ELOVL6: variants seen among roughly 807,000 people sequenced by gnomAD.
ELOVL6 encodes very long chain fatty acid elongase 6.
Under a neutral mutation model 31.7 loss-of-function variants are expected in ELOVL6, and 8 were observed. The ratio of observed to expected loss-of-function variants is 0.25; its 90% CI spans 0.15 to 0.45. The LOEUF (loss-of-function observed/expected upper bound fraction) is 0.45, where lower values mean the gene tolerates loss of function less well. Among genes scored for constraint, ELOVL6 ranks in the 20% least tolerant of loss-of-function variants. The pLI, the probability that ELOVL6 is intolerant of heterozygous loss-of-function variation, is 1.00. For missense variants in ELOVL6, 126 were observed against 326.4 expected, an observed-to-expected ratio of 0.39 and a Z score of 4.73; for synonymous variants, 101 against 117.7, an observed-to-expected ratio of 0.86 and a Z score of 0.92.
chr4:110,069,272 T>C (rs1274149334), intron 2 of ELOVL6, among the ~76,000 whole-genome samples: 1 of 151,910 alleles, frequency 6.6e-6, no homozygotes, highest in African/African-American at 2.4e-5. Flanking sequence ...GATGAAGATA[T>C]CACACACTAT....
At chr4:110,102,680 T>C (rs1006237592) in intron 2 of ELOVL6, among the ~76,000 whole-genome samples, 1 of 151,106 alleles carries the variant, frequency 6.6e-6, no homozygotes, top group South Asian at 2.1e-4. Context: ...AAAGTAAAGA[T>C]GATAGATTAT....
chr4:110,152,397 C>G (rs1022391763), intron 1 of ELOVL6, among the ~76,000 whole-genome samples: 1 of 152,168 alleles, frequency 6.6e-6, no homozygotes, highest in South Asian at 2.1e-4. Flanking sequence ...AATTATAAAA[C>G]CTTTACTTTC....
intron 2 of ELOVL6, among the ~76,000 whole-genome samples, chr4:110,099,676 C>A (rs1364099034): frequency 6.6e-6 from 1 of 152,204 alleles, no homozygotes; most frequent in Admixed American, 6.5e-5. Flanking sequence ...AAGATGGCTT[C>A]TTGGAACTCC....
intron 1 of ELOVL6, among the ~76,000 whole-genome samples, chr4:110,128,104 T>A (rs1560835303): frequency 6.6e-6 from 1 of 151,724 alleles, no homozygotes; most frequent in Non-Finnish European, 1.5e-5. Context: ...TAACCCCATC[T>A]TGTTGGGTCA....
intron 2 of ELOVL6, among the ~76,000 whole-genome samples, chr4:110,064,325 G>C (rs1286630451): frequency 1.3e-5 from 2 of 150,210 alleles, no homozygotes; most frequent in Admixed American, 1.3e-4. Flanking sequence ...CAAGGAGCCT[G>C]TTTCCTGATC....
At position 110,047,126 on chromosome 4, in the gene ELOVL6, G is replaced by C. The variant is rs560186842; in HGVS notation, c.*4212C>G. On this transcript the variant is annotated 3_prime_UTR_variant, in exon 4 of 4. Transcript: ENST00000302274. ...CTACATTTGACTACTGGGACATTCT[G>C]GGTGCTTATAAAATTTTGACATGAT... 2 of 152,156 alleles carry C rather than the reference G, an allele frequency of 1.3e-5. No individual in the cohort carries two copies. The highest frequency in any genetic ancestry group is 2.9e-5 in the Non-Finnish European group (2 of 68,026). The allele number at this position is 152,156 out of a possible 1,614,324, so 9.4% of individuals were successfully genotyped here.
intron 1 of ELOVL6, chr4:110,117,903 A>AAAAT: frequency 7.7e-4 from 5 of 6,502 alleles, no homozygotes; most frequent in East Asian, 6.3e-3. Context: ...AAAAAAAAAA[A>AAAAT]ATATATATAT....
chr4:110,083,223 T>C (rs946912068), intron 2 of ELOVL6, among the ~76,000 whole-genome samples: 1 of 151,622 alleles, frequency 6.6e-6, no homozygotes, highest in African/African-American at 2.4e-5. Context: ...TAATTTCAGG[T>C]AGTAAGTGCC....
intron 2 of ELOVL6, among the ~76,000 whole-genome samples, chr4:110,097,221 C>G (rs988004009): frequency 6.8e-6 from 1 of 146,856 alleles, no homozygotes; most frequent in African/African-American, 2.5e-5. Context: ...CAGAGAATTG[C>G]TTGAATCAGG....
intron 1 of ELOVL6, among the ~76,000 whole-genome samples, chr4:110,115,216 T>G (rs1262320343): frequency 6.6e-6 from 1 of 152,158 alleles, no homozygotes; most frequent in Admixed American, 6.5e-5. Flanking sequence ...AAATACTATT[T>G]CTGGATTAGA....
intron 2 of ELOVL6, among the ~76,000 whole-genome samples, chr4:110,090,619 T>TTTTTTTTTTTC (rs1339267305): frequency 6.7e-6 from 1 of 148,564 alleles, no homozygotes; most frequent in African/African-American, 2.5e-5. Context: ...TTTTTTTTTT[T>TTTTTTTTTTTC]TCATGAGACG....
At chr4:110,127,332 G>A (rs141346883) in intron 1 of ELOVL6, among the ~76,000 whole-genome samples, 82 of 147,718 alleles carry the variant, frequency 5.6e-4, no homozygotes, top group African/African-American at 1.9e-3. Flanking sequence ...ACTTGAACCC[G>A]GGAGGCAGAG....
At chr4:110,124,574 G>A (rs991363739) in intron 1 of ELOVL6, among the ~76,000 whole-genome samples, 1 of 152,128 alleles carries the variant, frequency 6.6e-6, no homozygotes, top group African/African-American at 2.4e-5. Context: ...TTAGGGGAGG[G>A]AGACCATCAG....
intron 1 of ELOVL6, among the ~76,000 whole-genome samples, chr4:110,163,890 A>G (rs1175625002): frequency 1.3e-5 from 2 of 152,230 alleles, no homozygotes. Flanking sequence ...CTTCCTTATC[A>G]GGTGGGTAAA....
At chr4:110,184,067 C>T (rs572571742) in intron 1 of ELOVL6, among the ~76,000 whole-genome samples, 5 of 152,220 alleles carry the variant, frequency 3.3e-5, no homozygotes, top group African/African-American at 1.2e-4. Flanking sequence ...TAGAAAAGGA[C>T]TAATAATCCC....
At chr4:110,082,164 A>G (rs1490625346) in intron 2 of ELOVL6, among the ~76,000 whole-genome samples, 23 of 150,756 alleles carry the variant, frequency 1.5e-4, no homozygotes, top group Admixed American at 1.5e-3. Flanking sequence ...AACTAGTTCA[A>G]CCATCGTGGA....
chr4:110,062,456 G>C (rs1036634503), intron 2 of ELOVL6, among the ~76,000 whole-genome samples: 1 of 152,198 alleles, frequency 6.6e-6, no homozygotes, highest in African/African-American at 2.4e-5. Flanking sequence ...TGGGATAATT[G>C]TTATTTGTGG....
intron 1 of ELOVL6, among the ~76,000 whole-genome samples, chr4:110,190,090 G>A (rs1304651542): frequency 6.6e-6 from 1 of 151,056 alleles, no homozygotes. Context: ...TTCTATAAAA[G>A]TTTTAGCAAG....
chr4:110,185,533 C>G (rs1364138891), intron 1 of ELOVL6, among the ~76,000 whole-genome samples: 1 of 152,070 alleles, frequency 6.6e-6, no homozygotes, highest in Non-Finnish European at 1.5e-5. Flanking sequence ...ATTGTTCAAA[C>G]CAAAAGAGGG....
Sources: gnomAD v4.1 joint callset for allele counts (sites outside exome capture counted in the v4.1 genomes callset) on GRCh38, gnomAD v4.1.1 for gene constraint, MANE v1.5 for transcripts, NCBI Gene and HGNC (gene_info 2026-07-23, HGNC 2026-07-21) for gene names.